The following MYO6 variants were observed in gnomAD, a reference collection of about 807,000 sequenced individuals.
MYO6 encodes the protein unconventional myosin-VI.
MYO6 carries 74 observed loss-of-function variants against 178.7 expected under a neutral mutation model. The observed-to-expected ratio is 0.41, with a 90% CI of 0.34 to 0.50. The LOEUF (loss-of-function observed/expected upper bound fraction) is 0.50, where lower values mean the gene tolerates loss of function less well. Ranked by LOEUF, MYO6 falls within the 20% of genes least tolerant of loss-of-function variation. The probability of loss-of-function intolerance (pLI) is 0.09; values close to 1 mark genes in which losing one functional copy is unlikely to be tolerated. For missense variants in MYO6, 1,330 were observed against 1,547.4 expected (o/e 0.86, Z 2.36); for synonymous variants, 477 against 504.6 (o/e 0.95, Z 0.73).
chr6:75,855,135 T>A lies in MYO6; in HGVS notation c.1079-4T>A. ...TAATTTCAATGAAAATATATTTCTA[T>A]TAGGTGGTTGTAATCTGAAGAATAA... On this transcript the variant is annotated splice_polypyrimidine_tract_variant and splice_region_variant and intron_variant, in intron 11 of 34. Transcript: ENST00000369977. 6.3e-7 allele frequency: 1 copy of A among 1,597,256 alleles called. No homozygotes were observed. Among genetic ancestry groups the A allele is most frequent in the Non-Finnish European group, 8.6e-7 (1 of 1,166,312 alleles).
intron 16 of MYO6, among the ~76,000 whole-genome samples, chr6:75,864,057 A>G (rs377528071): frequency 1.3e-5 from 2 of 152,186 alleles, no homozygotes; most frequent in African/African-American, 2.4e-5. Flanking sequence ...CTCATCTCAT[A>G]GACAACATCA....
chr6:75,908,438 A>G (rs1372771676), intron 31 of MYO6, 58 bp from the exon 32 acceptor site: 1 of 1,514,144 alleles, frequency 6.6e-7, no homozygotes, highest in East Asian at 2.3e-5. Context: ...TTATATCATT[A>G]TGTTAGACGA....
chr6:75,835,703 A>G (rs1407511709), intron 6 of MYO6, among the ~76,000 whole-genome samples, 198 bp from the exon 7 acceptor site: 4 of 152,202 alleles, frequency 2.6e-5, no homozygotes, highest in African/African-American at 9.7e-5. Flanking sequence ...AAATGCTGGG[A>G]TTACAGGCAT....
intron 1 of MYO6, among the ~76,000 whole-genome samples, chr6:75,788,931 TAAAC>T (rs1000847303): frequency 2.6e-5 from 4 of 152,202 alleles, no homozygotes; most frequent in Non-Finnish European, 5.9e-5. Flanking sequence ...GTCATGCTAT[TAAAC>T]AAATTTTTTG....
At chr6:75,905,351 C>T (rs978046785) in intron 30 of MYO6, among the ~76,000 whole-genome samples, 2 of 152,256 alleles carry the variant, frequency 1.3e-5, no homozygotes, top group Non-Finnish European at 2.9e-5. Flanking sequence ...TGATCTCAGA[C>T]TGCTGTGCTA....
At chr6:75,817,732 A>G (rs929203069) in intron 2 of MYO6, 68 bp downstream of exon 2, 2 of 1,337,676 alleles carry the variant, frequency 1.5e-6, no homozygotes, top group Non-Finnish European at 2.1e-6. Context: ...TCACAAGAGT[A>G]AGGTCTGTCT....
chr6:75,868,833 T>G (rs1467047683), intron 18 of MYO6, among the ~76,000 whole-genome samples: 1 of 152,118 alleles, frequency 6.6e-6, no homozygotes, highest in Non-Finnish European at 1.5e-5. Context: ...TATTGAAACA[T>G]AAACCCTTTA....
At chr6:75,867,366 A>C in intron 18 of MYO6, 1 of 342,832 alleles carries the variant, frequency 2.9e-6, no homozygotes, top group Admixed American at 4.4e-5. Flanking sequence ...TTGCTTCTGC[A>C]TACTGTCTGG....
intron 20 of MYO6, among the ~76,000 whole-genome samples, chr6:75,878,511 A>G (rs184108405): frequency 6.6e-6 from 1 of 152,330 alleles, no homozygotes; most frequent in East Asian, 1.9e-4. Context: ...CACTGTCATC[A>G]GCTCTGAGTA....
At chr6:75,765,143 A>G (rs1778294504) in intron 1 of MYO6, among the ~76,000 whole-genome samples, 2 of 148,908 alleles carry the variant, frequency 1.3e-5, no homozygotes, top group Middle Eastern at 3.5e-3. Context: ...GTAATTTCAC[A>G]TATAAGGCTA....
intron 18 of MYO6, among the ~76,000 whole-genome samples, chr6:75,867,746 A>G (rs1776814975): frequency 6.6e-6 from 1 of 152,226 alleles, no homozygotes; most frequent in South Asian, 2.1e-4. Context: ...CTTATTTAAC[A>G]TGGAAGAATA....
intron 22 of MYO6, among the ~76,000 whole-genome samples, chr6:75,881,123 C>T (rs1209365045): frequency 1.3e-5 from 2 of 151,894 alleles, no homozygotes; most frequent in African/African-American, 2.4e-5. Context: ...TGTGGTGGTG[C>T]GTGCCTGTAA....
chr6:75,910,493 T>C (rs994561088), intron 32 of MYO6, among the ~76,000 whole-genome samples: 2 of 152,158 alleles, frequency 1.3e-5, no homozygotes, highest in Admixed American at 6.6e-5. Context: ...AACTACTGTT[T>C]CTGTTTGTAA....
chr6:75,834,352 C>T (rs1773431004), intron 6 of MYO6, among the ~76,000 whole-genome samples: 1 of 152,080 alleles, frequency 6.6e-6, no homozygotes, highest in South Asian at 2.1e-4. Context: ...CCTACCTCAG[C>T]CTCCCAAGTA....
chr6:75,903,871 G>T (rs1274916725), intron 30 of MYO6, among the ~76,000 whole-genome samples: 2 of 151,734 alleles, frequency 1.3e-5, no homozygotes, highest in Non-Finnish European at 2.9e-5. Context: ...GGTACCGGTT[G>T]TTCCTTTCCA....
Position 75,822,821 on chromosome 6 carries a change from G to T in MYO6, c.157G>T (p.Glu53Ter). 2 of 1,613,466 alleles carry T rather than the reference G, an allele frequency of 1.2e-6. No homozygotes were observed. Among genetic ancestry groups the T allele is most frequent in the South Asian group, 1.1e-5 (1 of 91,072 alleles). Residue 53 changes from glutamate to a stop codon, truncating the protein, a stop_gained, in exon 3 of 35, where the codon GAG becomes TAG. Coordinates refer to ENST00000369977, the MANE Select transcript of MYO6 (RefSeq NM_004999.4). LOFTEE classifies it high-confidence loss of function. ...CATAAACCAAGTGTTTCCTGCAGAA[G>T]AGGACAGTAAAAAAGATGTGGAAGA... ...ALINQVFPAEEDSKKDVEDNC... is the reference protein window; with the variant it reads ...ALINQVFPAE
intron 4 of MYO6, among the ~76,000 whole-genome samples, chr6:75,829,234 C>A (rs1583210212): frequency 6.6e-6 from 1 of 151,932 alleles, no homozygotes; most frequent in Non-Finnish European, 1.5e-5. Context: ...AGGTTTACAC[C>A]AAATCATTCA....
At chr6:75,791,093 T>C (rs1304022050) in intron 1 of MYO6, among the ~76,000 whole-genome samples, 1 of 152,028 alleles carries the variant, frequency 6.6e-6, no homozygotes, top group Non-Finnish European at 1.5e-5. Context: ...CCACCACGCC[T>C]GGCTAGTTTT....
intron 2 of MYO6, among the ~76,000 whole-genome samples, chr6:75,820,209 T>C (rs1771730076): frequency 6.6e-6 from 1 of 152,176 alleles, no homozygotes; most frequent in South Asian, 2.1e-4. Context: ...TTCTGTTGTG[T>C]CAACCAAGTC....
Sources: gnomAD v4.1 joint callset for allele counts (sites outside exome capture counted in the v4.1 genomes callset) on GRCh38, gnomAD v4.1.1 for gene constraint, MANE v1.5 for transcripts, NCBI Gene and HGNC (gene_info 2026-07-23, HGNC 2026-07-21) for gene names.